CCDC186: variants seen among roughly 807,000 people sequenced by gnomAD.
The protein encoded by CCDC186 is coiled-coil domain containing 186.
Under a neutral mutation model 113.7 loss-of-function variants are expected in CCDC186, and 49 were observed. That is an observed-to-expected ratio of 0.43 (90% CI 0.34 to 0.55). The LOEUF (loss-of-function observed/expected upper bound fraction) is 0.55, where lower values mean the gene tolerates loss of function less well. CCDC186 is among the 20% of genes least tolerant of loss of function. CCDC186 has a pLI of 0.02. For missense variants in CCDC186, 890 were observed against 1,011.1 expected, an observed-to-expected ratio of 0.88 and a Z score of 1.62; for synonymous variants, 355 against 345.8, an observed-to-expected ratio of 1.03 and a Z score of -0.30.
chr10:114,145,012 G>A (rs2031591265), intron 5 of CCDC186, among the ~76,000 whole-genome samples: 2 of 151,964 alleles, frequency 1.3e-5, no homozygotes, highest in African/African-American at 4.8e-5. Context: ...TAATGCCCTG[G>A]AAATATGACC....
intron 2 of CCDC186, among the ~76,000 whole-genome samples, chr10:114,159,860 G>A (rs1271519294): frequency 6.6e-6 from 1 of 152,068 alleles, no homozygotes; most frequent in African/African-American, 2.4e-5. Context: ...TACTTGGGAT[G>A]CTGAGGTGGG....
In CCDC186 at chr10:114,162,763, T is replaced by A. The variant is rs1339816760; in HGVS notation, c.506A>T (p.Glu169Val). ...TTCTGCAAACTCCGTAGATAAGAGC[T>A]CAGATTCTATTTCTTCCAACAAATC... is the stretch of plus-strand genomic sequence containing the variant. ...SEDLLEEIESELLSTEFAEHR... is the reference protein window; with the variant it reads ...SEDLLEEIESVLLSTEFAEHR... Residue 169 changes from glutamate to valine, a missense_variant, in exon 2 of 16, where the codon GAG (glutamate) becomes GTG (valine). Transcript: ENST00000369287. 1.2e-6 allele frequency: 2 copies of A among 1,613,938 alleles called. No individual in the cohort carries two copies. Among genetic ancestry groups the A allele is most frequent in the Non-Finnish European group, 1.7e-6 (2 of 1,179,918 alleles).
intron 6 of CCDC186, among the ~76,000 whole-genome samples, chr10:114,139,203 CTTT>C (rs78214340): frequency 2.2e-5 from 3 of 134,210 alleles, no homozygotes; most frequent in Admixed American, 8.1e-5. Flanking sequence ...CCCTTTGTTC[CTTT>C]TTTTTTTTTT....
intron 1 of CCDC186, among the ~76,000 whole-genome samples, chr10:114,169,234 CT>C (rs34677282): frequency 0.083 from 8,048 of 97,382 alleles, 89 homozygotes; most frequent in Non-Finnish European, 0.11. Flanking sequence ...TAGTACCATT[CT>C]TTTTTTTTTT....
intron 13 of CCDC186, 100 bp from the exon 14 acceptor site, chr10:114,127,771 AAC>A (rs1479800433): frequency 9.0e-7 from 1 of 1,105,986 alleles, no homozygotes; most frequent in Non-Finnish European, 1.3e-6. Flanking sequence ...TATTCACTCT[AAC>A]AGAGTTGGAC....
At position 114,142,956 on chromosome 10, in the gene CCDC186, G is replaced by A. The variant is rs78576295; in HGVS notation, c.1221+1541C>T. Among the ~76,000 whole-genome samples the A allele has an allele frequency of 4.8e-3, 725 of 152,208 alleles. 7 individuals carry two copies. Among genetic ancestry groups the A allele is most frequent in the African/African-American group, 0.017 (696 of 41,534 alleles). On this transcript the variant is annotated intron_variant, in intron 6 of 15. Coordinates refer to ENST00000369287, the MANE Select transcript of CCDC186 (RefSeq NM_018017.4). ...AGGTAAATACATAAAACAAGTAACC[G>A]GGAGCCCATCTTGGACACTCTTTGA... is the stretch of plus-strand genomic sequence containing the variant.
intron 1 of CCDC186, among the ~76,000 whole-genome samples, chr10:114,170,670 T>TA (rs944655550): frequency 2.6e-5 from 4 of 152,242 alleles, no homozygotes; most frequent in African/African-American, 7.2e-5. Context: ...AGCATTAGAA[T>TA]AAAAAAGTTT....
At position 114,145,765 on chromosome 10, in the gene CCDC186, C is replaced by A; in HGVS notation, c.889-4G>T. The A allele has an allele frequency of 2.6e-6, 4 of 1,563,608 alleles. No homozygotes were observed. Among genetic ancestry groups the A allele is most frequent in the Admixed American group, 2.2e-5 (1 of 46,004 alleles). ...CCTCTTCACATTTCTTGTTGGCCTT[C>A]AAAAAAAATATTACTTAGCATTAAT... is the stretch of plus-strand genomic sequence containing the variant. On this transcript the variant is annotated splice_region_variant and splice_polypyrimidine_tract_variant and intron_variant, in intron 4 of 15. Coordinates refer to ENST00000369287, the MANE Select transcript of CCDC186 (RefSeq NM_018017.4).
intron 1 of CCDC186, among the ~76,000 whole-genome samples, chr10:114,173,607 C>T (rs17091401): frequency 0.25 from 38,343 of 152,102 alleles, 5,111 homozygotes; most frequent in African/African-American, 0.32. Flanking sequence ...CACCCACATA[C>T]AGTCAACTTG....
At chr10:114,151,950 T>C (rs1330503581) in intron 3 of CCDC186, among the ~76,000 whole-genome samples, 1 of 152,180 alleles carries the variant, frequency 6.6e-6, no homozygotes, top group Non-Finnish European at 1.5e-5. Flanking sequence ...GAATCTTCTA[T>C]CCATGAAACT....
Position 114,167,824 on chromosome 10 carries a change from A to T in CCDC186, c.-61-4495T>A, listed in dbSNP as rs934956194. Among the ~76,000 whole-genome samples, 580 of 145,810 alleles carry T rather than the reference A, an allele frequency of 4.0e-3. 1 individual carries two copies. The highest frequency in any genetic ancestry group is 6.6e-3 in the Non-Finnish European group (431 of 65,294). ...TAAAAAAAAAAAAAAAAAAAAAAAAAAAATTGTTAAAGTTAGCTGGGCATG... is the reference window on the plus strand; with the variant it reads ...TAAAAAAAAAAAAAAAAAAAAAAAATAAATTGTTAAAGTTAGCTGGGCATG... On this transcript the variant is annotated intron_variant, in intron 1 of 15. Transcript: ENST00000369287.
chr10:114,150,029 T>C (rs1564913167), intron 4 of CCDC186, among the ~76,000 whole-genome samples: 1 of 152,180 alleles, frequency 6.6e-6, no homozygotes, highest in Non-Finnish European at 1.5e-5. Context: ...ACATTTCTAA[T>C]GCAAGGAGTC....
Position 114,135,040 on chromosome 10 carries a change from C to A in CCDC186, c.1528G>T (p.Asp510Tyr), listed in dbSNP as rs746252714. The change falls in exon 10 of 16, where the codon GAT becomes TAT. Residue 510 changes from aspartate to tyrosine, a missense_variant. By Grantham distance (160) the Asp-to-Tyr change is radical. Coordinates refer to ENST00000369287, the MANE Select transcript of CCDC186 (RefSeq NM_018017.4). ...TLRTKVKCLE[D>Y]ERLRTEDELS... The stretch of plus-strand genomic sequence containing the variant: ...TCATCTTCTGTTCTTAATCGTTCAT[C>A]TTCTAGACATTTCACCTATCAAATG... 1.2e-6 allele frequency: 2 copies of A among 1,606,836 alleles called. No individual in the cohort carries two copies. The highest frequency in any genetic ancestry group is 1.7e-6 in the Non-Finnish European group (2 of 1,178,226).
intron 2 of CCDC186, among the ~76,000 whole-genome samples, chr10:114,160,183 T>C (rs1564916998): frequency 6.6e-6 from 1 of 151,594 alleles, no homozygotes; most frequent in Non-Finnish European, 1.5e-5. Flanking sequence ...AGTAGGAGAA[T>C]TGCTTGAATC....
Position 114,123,473 on chromosome 10 carries a change from T to C in CCDC186, c.*1670A>G, listed in dbSNP as rs2030792926. 1 of 152,162 alleles carries C rather than the reference T, an allele frequency of 6.6e-6. No individual in the cohort carries two copies. The highest frequency in any genetic ancestry group is 2.4e-5 in the African/African-American group (1 of 41,456). 9.4% of individuals were successfully genotyped at this position (152,162 alleles called of 1,614,324 possible). On this transcript the variant is annotated 3_prime_UTR_variant, in exon 16 of 16. Transcript: ENST00000369287. ...ACACATTAAAAGGATATTGCCACCA[T>C]GAGCCCAACTTTTAGAGCCCAAACA...
At chr10:114,138,242 A>C (rs1165143556) in intron 6 of CCDC186, among the ~76,000 whole-genome samples, 1 of 144,266 alleles carries the variant, frequency 6.9e-6, no homozygotes, top group East Asian at 2.0e-4. Flanking sequence ...TTTGTCACAA[A>C]AAAACAAAAC....
In CCDC186 at chr10:114,163,282, A is replaced by G; in HGVS notation, c.-14T>C. ...TGTCTCTGACATGCTGACTGGCACC[A>G]ATTCACTTTGTAATTCTTCAAATCT... On this transcript the variant is annotated 5_prime_UTR_variant, in exon 2 of 16. Transcript: ENST00000369287. 6.3e-7 allele frequency: 1 copy of G among 1,592,530 alleles called. No homozygotes were observed. The highest frequency in any genetic ancestry group is 8.5e-7 in the Non-Finnish European group (1 of 1,175,106).
intron 2 of CCDC186, among the ~76,000 whole-genome samples, chr10:114,160,129 G>A (rs917786817): frequency 5.9e-5 from 9 of 152,060 alleles, no homozygotes; most frequent in African/African-American, 2.2e-4. Context: ...AATTAGCCGG[G>A]TGTAGTGGTA....
intron 3 of CCDC186, 22 bp downstream of exon 3, chr10:114,157,532 C>A: frequency 1.3e-6 from 2 of 1,576,748 alleles, no homozygotes; most frequent in South Asian, 1.2e-5. Flanking sequence ...GTATAGTCTT[C>A]GAAGATTTTT....
Sources: gnomAD v4.1 joint callset for allele counts (sites outside exome capture counted in the v4.1 genomes callset) on GRCh38, gnomAD v4.1.1 for gene constraint, MANE v1.5 for transcripts, NCBI Gene and HGNC (gene_info 2026-07-23, HGNC 2026-07-21) for gene names.